The following SEC24A variants were observed in gnomAD, a reference collection of about 807,000 sequenced individuals.
SEC24A encodes protein transport protein Sec24A.
In SEC24A, 93 loss-of-function variants were observed where a neutral mutation model predicts 129.4. The ratio of observed to expected loss-of-function variants is 0.72; its 90% confidence interval spans 0.61 to 0.85. The LOEUF is 0.85. SEC24A is among the 40% of genes least tolerant of loss of function. SEC24A has a pLI of 0.00. For synonymous variants in SEC24A, 460 were observed against 467.3 expected (o/e 0.98, Z 0.20); for missense variants, 1,264 against 1,307.4 (o/e 0.97, Z 0.51).
intron 1 of SEC24A, among the ~76,000 whole-genome samples, chr5:134,655,234 T>C (rs1391470152): frequency 1.3e-5 from 2 of 152,156 alleles, no homozygotes; most frequent in Admixed American, 6.6e-5. Flanking sequence ...TTTGTACCAT[T>C]ATTATAGCAG....
chr5:134,696,726 C>T (rs1344982940), intron 13 of SEC24A, among the ~76,000 whole-genome samples: 17 of 151,696 alleles, frequency 1.1e-4, no homozygotes, highest in Admixed American at 4.6e-4. Flanking sequence ...TCTCGATCTC[C>T]GGCCCTCGTG....
rs772495539 is a variant in SEC24A at position 134,725,134 on chromosome 5, G to A, written c.*40G>A. The A allele has an allele frequency of 9.1e-6, 9 of 994,254 alleles. No individual in the cohort carries two copies. Among genetic ancestry groups the A allele is most frequent in the Admixed American group, 7.4e-5 (4 of 54,194 alleles). 61.6% of individuals were successfully genotyped at this position (994,254 alleles called of 1,614,324 possible). On this transcript the variant is annotated 3_prime_UTR_variant, in exon 23 of 23. Coordinates refer to ENST00000398844, the MANE Select transcript of SEC24A (RefSeq NM_021982.3). ...TTGACTTATTTTTAAGGAATGTCAC[G>A]ATAGTGCAGAATACCTGGAAATGTG...
At chr5:134,681,442 TTG>T (rs34487329) in intron 8 of SEC24A, among the ~76,000 whole-genome samples, 51,308 of 143,324 alleles carry the variant, frequency 0.36, 8,912 homozygotes, top group African/African-American at 0.45. Context: ...GTTTTATTGT[TTG>T]TGTGTGTGTG....
At chr5:134,720,150 C>T (rs1752589657) in intron 20 of SEC24A, among the ~76,000 whole-genome samples, 1 of 152,194 alleles carries the variant, frequency 6.6e-6, no homozygotes, top group African/African-American at 2.4e-5. Flanking sequence ...ACTCATCACT[C>T]ACTGACTCAC....
chr5:134,710,086 A>T (rs1000973896), intron 18 of SEC24A, among the ~76,000 whole-genome samples: 2 of 151,904 alleles, frequency 1.3e-5, no homozygotes, highest in Admixed American at 1.3e-4. Flanking sequence ...TTTAGTAGAG[A>T]CAAGGTTTCA....
At chr5:134,675,525 C>G (rs956749189) in intron 6 of SEC24A, among the ~76,000 whole-genome samples, 2 of 152,034 alleles carry the variant, frequency 1.3e-5, no homozygotes, top group African/African-American at 4.8e-5. Flanking sequence ...CTACATAATC[C>G]TTTATTTGCT....
At chr5:134,713,175 C>T (rs1752381627) in intron 18 of SEC24A, among the ~76,000 whole-genome samples, 1 of 152,076 alleles carries the variant, frequency 6.6e-6, no homozygotes, top group South Asian at 2.1e-4. Flanking sequence ...TTGTGATCCA[C>T]CCGCCTCGGC....
chr5:134,719,746 G>A (rs1234096642), intron 20 of SEC24A, among the ~76,000 whole-genome samples: 1 of 152,012 alleles, frequency 6.6e-6, no homozygotes, highest in Non-Finnish European at 1.5e-5. Flanking sequence ...AGCACTTAGA[G>A]ATGCCAAGGC....
intron 15 of SEC24A, chr5:134,701,022 T>G (rs1303692675): frequency 6.6e-6 from 1 of 152,184 alleles, no homozygotes. Flanking sequence ...CTGGACTGTA[T>G]TTTTAGTAGA....
chr5:134,718,263 T>C lies in SEC24A; in HGVS notation c.2970+90T>C, dbSNP rs552352440. 9 of 887,228 alleles carry C rather than the reference T, an allele frequency of 1.0e-5. No individual in the cohort carries two copies. In the Admixed American group the frequency reaches 1.5e-4, roughly 15 times the overall value. 55.0% of individuals were successfully genotyped at this position (887,228 alleles called of 1,614,324 possible). A position where few individuals can be genotyped will look rare whatever the true frequency, so the allele number is the denominator to read the frequency against. The stretch of plus-strand genomic sequence containing the variant: ...GTTTCATTCCCTTTAATATCTCTCT[T>C]CCTGAACAGATTTCATATTTTAACC... On this transcript the variant is annotated intron_variant, in intron 20 of 22. Coordinates refer to ENST00000398844, the MANE Select transcript of SEC24A (RefSeq NM_021982.3).
At chr5:134,676,175 T>C (rs778234339) in intron 7 of SEC24A, 50 bp downstream of exon 7, 74 of 1,380,002 alleles carry the variant, frequency 5.4e-5, no homozygotes, top group Non-Finnish European at 7.3e-5. Flanking sequence ...AGTCTCCCTC[T>C]GTCGCCCAGG....
chr5:134,655,148 T>G (rs1326106416), intron 1 of SEC24A, among the ~76,000 whole-genome samples: 1 of 152,110 alleles, frequency 6.6e-6, no homozygotes, highest in Non-Finnish European at 1.5e-5. Flanking sequence ...CATGAGATTT[T>G]TTACTAATGC....
At chr5:134,717,198 CA>C (rs796615246) in intron 19 of SEC24A, among the ~76,000 whole-genome samples, 94 of 151,768 alleles carry the variant, frequency 6.2e-4, no homozygotes, top group African/African-American at 2.1e-3. Flanking sequence ...TTTTTTGAAG[CA>C]AAGGTTAAGA....
chr5:134,662,823 TTGAAA>T (rs905092013), intron 2 of SEC24A, among the ~76,000 whole-genome samples: 1 of 152,106 alleles, frequency 6.6e-6, no homozygotes, highest in African/African-American at 2.4e-5. Flanking sequence ...CATCAATCAC[TTGAAA>T]TGAATGAATA....
Position 134,723,654 on chromosome 5 carries a change from A to G in SEC24A, c.3151A>G (p.Ile1051Val), listed in dbSNP as rs763376249. 6.2e-7 allele frequency: 1 copy of G among 1,600,390 alleles called. No homozygotes were observed. The highest frequency in any genetic ancestry group is 8.6e-7 in the Non-Finnish European group (1 of 1,167,812). The change falls in exon 22 of 23, where the codon ATA becomes GTA. Residue 1051 changes from isoleucine (I) to valine (V), a missense_variant. By Grantham distance (29) the Ile-to-Val change is conservative (BLOSUM62 3). Transcript: ENST00000398844. ...WLREQRPFFP[I>V]LYVIRDESPM... ...TAGAGAGCAGAGACCATTTTTCCCA[A>G]TACTTTATGTAATAAGGTAAGTTGA...
rs201996630 is a variant in SEC24A at position 134,661,202 on chromosome 5, C to A, written c.181C>A (p.Pro61Thr). ...CCAGCTTCCAGGATCCTACCCTCAT[C>A]CAATACCAGCAAAGACTTTGAATCC... ...NFQLPGSYPH[P>T]IPAKTLNPVS... The change falls in exon 2 of 23, where the codon CCA becomes ACA. Residue 61 changes from proline (P) to threonine (T), a missense_variant. Pro to Thr is a conservative substitution (Grantham distance 38, BLOSUM62 -1). Coordinates refer to ENST00000398844, the MANE Select transcript of SEC24A (RefSeq NM_021982.3). 1,093 of 1,614,134 alleles carry A rather than the reference C, an allele frequency of 6.8e-4. 3 individuals are homozygous for A. Among genetic ancestry groups the A allele is most frequent in the South Asian group, 1.9e-3 (172 of 91,086 alleles).
At chr5:134,649,446 G>T (rs1489797696) in intron 1 of SEC24A, among the ~76,000 whole-genome samples, 1 of 152,146 alleles carries the variant, frequency 6.6e-6, no homozygotes, top group Non-Finnish European at 1.5e-5. Context: ...GTGAGAAAAT[G>T]CCTCAAAACT....
intron 1 of SEC24A, among the ~76,000 whole-genome samples, chr5:134,656,575 A>G (rs955606720): frequency 6.6e-6 from 1 of 151,530 alleles, no homozygotes; most frequent in Non-Finnish European, 1.5e-5. Flanking sequence ...TCCGCCTCCC[A>G]GGTTCAAGCA....
chr5:134,653,713 A>T (rs946778908), intron 1 of SEC24A, among the ~76,000 whole-genome samples: 5 of 151,916 alleles, frequency 3.3e-5, no homozygotes, highest in East Asian at 1.9e-4. Context: ...AAGAATTTTT[A>T]AAAAATAGGC....
Sources: gnomAD v4.1 joint callset for allele counts (sites outside exome capture counted in the v4.1 genomes callset) on GRCh38, gnomAD v4.1.1 for gene constraint, MANE v1.5 for transcripts, NCBI Gene and HGNC (gene_info 2026-07-23, HGNC 2026-07-21) for gene names.